Variants in FMN2 observed in about 807,000 individuals in gnomAD.
FMN2 encodes formin-2.
FMN2 carries 51 observed loss-of-function variants against 142.3 expected under a neutral mutation model. That is an observed-to-expected ratio of 0.36 (90% CI 0.29 to 0.45). The LOEUF (loss-of-function observed/expected upper bound fraction) is 0.45. FMN2 is among the 20% of genes least tolerant of loss of function. The pLI, the probability that FMN2 is intolerant of heterozygous loss-of-function variation, is 1.00. For synonymous variants in FMN2, 882 were observed against 869.8 expected (o/e 1.01, Z -0.25); for missense variants, 1,936 against 2,122.8 (o/e 0.91, Z 1.73).
At chr1:240,188,385 C>A in intron 4 of FMN2, 123 bp downstream of exon 4, 2 of 888,508 alleles carry the variant, frequency 2.3e-6, no homozygotes, top group Non-Finnish European at 3.5e-6. Flanking sequence ...TTTCCCTAAG[C>A]CTGCAGTGGA....
At chr1:240,161,748 T>G (rs553426468) in intron 2 of FMN2, among the ~76,000 whole-genome samples, 1 of 152,108 alleles carries the variant, frequency 6.6e-6, no homozygotes, top group East Asian at 1.9e-4. Context: ...ATAAATGAGA[T>G]GGGGTCAACT....
At chr1:240,437,548 C>T (rs954414360) in intron 15 of FMN2, among the ~76,000 whole-genome samples, 6 of 152,046 alleles carry the variant, frequency 3.9e-5, no homozygotes, top group Non-Finnish European at 7.4e-5. Flanking sequence ...GTGATCCACC[C>T]ACCTTGGCCT....
In FMN2 at chr1:240,377,448, A is replaced by T. The variant is rs189324270; in HGVS notation, c.4859-15063A>T. ...CAAACTTCATAGCTTAAAACAATAC[A>T]AATAATAAATTTGTAATTTCTTCAG... is the stretch of plus-strand genomic sequence containing the variant. On this transcript the variant is annotated intron_variant, in intron 14 of 17. Coordinates refer to ENST00000319653, the MANE Select transcript of FMN2 (RefSeq NM_020066.5). Among the ~76,000 whole-genome samples, 945 of 152,362 alleles carry T rather than the reference A, an allele frequency of 6.2e-3. 9 individuals carry two copies. Among genetic ancestry groups the T allele is most frequent in the African/African-American group, 0.021 (863 of 41,586 alleles).
intron 2 of FMN2, among the ~76,000 whole-genome samples, chr1:240,154,111 A>T (rs1032092037): frequency 2.1e-5 from 3 of 140,806 alleles, no homozygotes; most frequent in Non-Finnish European, 4.7e-5. Context: ...TTCCATCAAA[A>T]AAAAAAAAAA....
chr1:240,294,176 T>C (rs1417091818), intron 7 of FMN2, among the ~76,000 whole-genome samples: 1 of 152,132 alleles, frequency 6.6e-6, no homozygotes, highest in Non-Finnish European at 1.5e-5. Context: ...ACAATACAAA[T>C]TTCCCCAGGC....
At chr1:240,137,040 A>G (rs1044555759) in intron 2 of FMN2, among the ~76,000 whole-genome samples, 2 of 139,158 alleles carry the variant, frequency 1.4e-5, no homozygotes, top group African/African-American at 2.8e-5. Context: ...ACTGCACTCC[A>G]GCCTGGGTGA....
intron 7 of FMN2, among the ~76,000 whole-genome samples, chr1:240,264,068 A>G (rs1370953193): frequency 6.6e-6 from 1 of 152,208 alleles, no homozygotes; most frequent in African/African-American, 2.4e-5. Flanking sequence ...TTAATTTCTG[A>G]GCCTAATGAT....
At chr1:240,119,454 TC>T (rs1662151663) in intron 1 of FMN2, among the ~76,000 whole-genome samples, 1 of 152,200 alleles carries the variant, frequency 6.6e-6, no homozygotes, top group Non-Finnish European at 1.5e-5. Flanking sequence ...CCTGGGGTTC[TC>T]AGCCTGGGGT....
rs1661069587 is a variant in FMN2 at position 240,093,247 on chromosome 1, G to A, written c.1138G>A (p.Glu380Lys). The A allele has an allele frequency of 1.3e-6, 2 of 1,573,418 alleles. No individual in the cohort carries two copies. Among genetic ancestry groups the A allele is most frequent in the Admixed American group, 1.8e-5 (1 of 55,350 alleles). Residue 380 changes from glutamate to lysine, a missense_variant, in exon 1 of 18, where the codon GAA (glutamate) becomes AAA (lysine). By Grantham distance (56) the Glu-to-Lys change is moderately conservative. Coordinates refer to ENST00000319653, the MANE Select transcript of FMN2 (RefSeq NM_020066.5). The part of the protein sequence containing the change: ...VGEDAPQRLG[E>K]EPEEEAQGPD... ...AGAGGACGCCCCGCAGAGGCTGGGG[G>A]AAGAGCCGGAGGAGGAGGCGCAAGG...
intron 8 of FMN2, among the ~76,000 whole-genome samples, chr1:240,309,883 G>C (rs1248725619): frequency 2.6e-5 from 4 of 152,148 alleles, no homozygotes; most frequent in Non-Finnish European, 5.9e-5. Context: ...TGGCATGACA[G>C]TCACGTGTGT....
intron 1 of FMN2, among the ~76,000 whole-genome samples, chr1:240,099,854 C>T (rs1371388123): frequency 6.6e-6 from 1 of 152,172 alleles, no homozygotes; most frequent in East Asian, 1.9e-4. Context: ...TTTCTTGCCA[C>T]CCTCTGCCTT....
chr1:240,322,422 G>A (rs576015822), intron 8 of FMN2, among the ~76,000 whole-genome samples: 3 of 152,026 alleles, frequency 2.0e-5, no homozygotes, highest in South Asian at 2.1e-4. Flanking sequence ...AAGTGTCCAC[G>A]CAAAGGAATT....
chr1:240,359,333 T>C (rs1054583035), intron 14 of FMN2, among the ~76,000 whole-genome samples: 5 of 152,180 alleles, frequency 3.3e-5, no homozygotes, highest in African/African-American at 1.2e-4. Flanking sequence ...TTAGATTCAT[T>C]TATATGGGTA....
At chr1:240,169,354 G>A (rs1300049119) in intron 2 of FMN2, among the ~76,000 whole-genome samples, 2 of 152,208 alleles carry the variant, frequency 1.3e-5, no homozygotes, top group Admixed American at 6.5e-5. Flanking sequence ...GCCCAATTCA[G>A]TTGAGGCAAT....
Position 240,294,691 on chromosome 1 carries a change from G to T in FMN2, c.4154-131G>T, listed in dbSNP as rs1368996994. On this transcript the variant is annotated intron_variant, in intron 7 of 17. Coordinates refer to ENST00000319653, the MANE Select transcript of FMN2 (RefSeq NM_020066.5). ...TCCTGGTGCAGGCTTTGCAGTGGGGGCAAGGGGAAACATTGAAGTTAAAGC... is the reference window on the plus strand; with the variant it reads ...TCCTGGTGCAGGCTTTGCAGTGGGGTCAAGGGGAAACATTGAAGTTAAAGC... 7 of 751,316 alleles carry T rather than the reference G, an allele frequency of 9.3e-6. No individual in the cohort carries two copies. The African/African-American group carries it at 1.0e-4, about 11-fold the overall frequency. 46.5% of individuals were successfully genotyped at this position (751,316 alleles called of 1,614,324 possible). A position where few individuals can be genotyped will look rare whatever the true frequency, so the allele number is the denominator to read the frequency against.
At chr1:240,361,274 T>C (rs745529872) in intron 14 of FMN2, among the ~76,000 whole-genome samples, 1 of 149,220 alleles carries the variant, frequency 6.7e-6, no homozygotes, top group Non-Finnish European at 1.5e-5. Context: ...TAGCATGTGA[T>C]GAGGCCGAAC....
At chr1:240,138,665 T>G (rs1446776751) in intron 2 of FMN2, among the ~76,000 whole-genome samples, 2 of 151,950 alleles carry the variant, frequency 1.3e-5, no homozygotes, top group Non-Finnish European at 1.5e-5. Flanking sequence ...CAAGATTATG[T>G]CACTGTACTC....
intron 13 of FMN2, among the ~76,000 whole-genome samples, chr1:240,338,642 T>C (rs1671643922): frequency 6.6e-6 from 1 of 152,192 alleles, no homozygotes; most frequent in Non-Finnish European, 1.5e-5. Flanking sequence ...AGCGTATTCA[T>C]GCTGTATATA....
chr1:240,276,033 A>G (rs1669195845), intron 7 of FMN2, among the ~76,000 whole-genome samples: 1 of 152,180 alleles, frequency 6.6e-6, no homozygotes, highest in African/African-American at 2.4e-5. Flanking sequence ...ATCAAACCAA[A>G]TATGGTGGCT....
Sources: gnomAD v4.1 joint callset for allele counts (sites outside exome capture counted in the v4.1 genomes callset) on GRCh38, gnomAD v4.1.1 for gene constraint, MANE v1.5 for transcripts, NCBI Gene and HGNC (gene_info 2026-07-23, HGNC 2026-07-21) for gene names.